The following TGS1 variants were observed in gnomAD, a reference collection of about 807,000 sequenced individuals.
TGS1 encodes trimethylguanosine synthase 1.
TGS1 carries 69 observed loss-of-function variants against 92.2 expected under a neutral mutation model. The ratio of observed to expected loss-of-function variants is 0.75; its 90% CI spans 0.62 to 0.91. The LOEUF (loss-of-function observed/expected upper bound fraction) is 0.91, where lower values mean the gene tolerates loss of function less well. Ranked by LOEUF, TGS1 falls within the 40% of genes least tolerant of loss-of-function variation. The probability of loss-of-function intolerance (pLI) is 0.00; values close to 1 mark genes in which losing one functional copy is unlikely to be tolerated. For missense variants in TGS1, 1,062 were observed against 1,001.2 expected (o/e 1.06, Z -0.82); for synonymous variants, 345 against 338.1 (o/e 1.02, Z -0.22).
chr8:55,798,363 A>G (rs1812120104), intron 7 of TGS1, among the ~76,000 whole-genome samples: 1 of 152,218 alleles, frequency 6.6e-6, no homozygotes, highest in South Asian at 2.1e-4. Flanking sequence ...GCTGGGACAT[A>G]TCTTACTGGC....
intron 8 of TGS1, among the ~76,000 whole-genome samples, chr8:55,801,558 A>T (rs1812213434): frequency 1.6e-5 from 2 of 128,770 alleles, no homozygotes; most frequent in African/African-American, 6.0e-5. Context: ...ATAGGCATGA[A>T]CCACTGCGCC....
chr8:55,809,035 C>T (rs151142365), intron 10 of TGS1, among the ~76,000 whole-genome samples: 9 of 152,168 alleles, frequency 5.9e-5, no homozygotes, highest in African/African-American at 1.9e-4. Context: ...TTTTGAGTTC[C>T]CTATCATAAT....
intron 7 of TGS1, 116 bp downstream of exon 7, chr8:55,796,268 A>ATTTTTTTTTTTTTTTTT (rs111385978): frequency 1.8e-6 from 1 of 571,054 alleles, no homozygotes; most frequent in African/African-American, 2.0e-5. Flanking sequence ...AAGGTACATA[A>ATTTTTTTTTTTTTTTTT]TTTTTTTTTT....
chr8:55,797,247 G>T (rs1812084184), intron 7 of TGS1, among the ~76,000 whole-genome samples: 2 of 152,124 alleles, frequency 1.3e-5, no homozygotes, highest in African/African-American at 4.8e-5. Flanking sequence ...AGAGAGAAAT[G>T]AGTGCCCAGC....
In TGS1 at chr8:55,824,767, C is replaced by T. The variant is rs1803747088; in HGVS notation, c.*64C>T. The T allele has an allele frequency of 6.3e-7, 1 of 1,577,962 alleles. No homozygotes were observed. Among genetic ancestry groups the T allele is most frequent in the Non-Finnish European group, 8.7e-7 (1 of 1,154,792 alleles). ...CAAAATATTCAGATGAGACATTTGG[C>T]ATGTCTTCCTTTATTCACTGATATT... On this transcript the variant is annotated 3_prime_UTR_variant, in exon 13 of 13. Coordinates refer to ENST00000260129, the MANE Select transcript of TGS1 (RefSeq NM_024831.8).
In TGS1 at chr8:55,773,499, T is replaced by G. The variant is rs1182761778; in HGVS notation, c.-120T>G. Reference sequence around the variant, plus strand: ...CCCGGCGCGAGCGGCCGCGGGCCAGTTTCTATCTCCTCATCCAGGGCTTGC... The same window carrying G: ...CCCGGCGCGAGCGGCCGCGGGCCAGGTTCTATCTCCTCATCCAGGGCTTGC... On this transcript the variant is annotated 5_prime_UTR_variant, in exon 1 of 13. Transcript: ENST00000260129. The G allele has an allele frequency of 2.9e-6, 2 of 696,926 alleles. No homozygotes were observed. Among genetic ancestry groups the G allele is most frequent in the Non-Finnish European group, 4.5e-6 (2 of 440,712 alleles). 43.2% of individuals were successfully genotyped at this position (696,926 alleles called of 1,614,324 possible).
In TGS1 at chr8:55,813,091, T is replaced by C. The variant is rs745921581; in HGVS notation, c.2412T>C (p.Phe804=). ...AGATCACTAATAATATTGTTTATTT[T>C]CTTCCAAGAAATGCTGATATTGACC... ...SKKITNNIVY[F]LPRNADIDQV... Residue 804 remains phenylalanine, a synonymous_variant, in exon 12 of 13, where the codon TTT becomes TTC. Transcript: ENST00000260129. The C allele has an allele frequency of 6.2e-7, 1 of 1,610,814 alleles. No individual in the cohort carries two copies. The highest frequency in any genetic ancestry group is 8.5e-7 in the Non-Finnish European group (1 of 1,177,852).
At chr8:55,819,487 G>A (rs528968031) in intron 12 of TGS1, among the ~76,000 whole-genome samples, 1,654 of 149,866 alleles carry the variant, frequency 0.011, 15 homozygotes, top group Middle Eastern at 0.017. Context: ...TAGTAGAGAC[G>A]GGGTTTCTCC....
intron 5 of TGS1, among the ~76,000 whole-genome samples, chr8:55,791,689 A>G (rs564409530): frequency 1.3e-5 from 2 of 152,148 alleles, no homozygotes; most frequent in Non-Finnish European, 2.9e-5. Flanking sequence ...TTCTTTGGAC[A>G]TTTCATGAGG....
intron 1 of TGS1, 134 bp downstream of exon 1, chr8:55,773,853 AAAAC>A (rs1811295824): frequency 3.0e-6 from 2 of 674,906 alleles, no homozygotes; most frequent in Non-Finnish European, 5.0e-6. Flanking sequence ...ATGTTTAAGA[AAAAC>A]AAAACCCTCA....
intron 6 of TGS1, 86 bp from the exon 7 acceptor site, chr8:55,795,892 G>T: frequency 9.7e-7 from 1 of 1,028,374 alleles, no homozygotes; most frequent in Non-Finnish European, 1.5e-6. Flanking sequence ...AAAAATGAGT[G>T]AAAATGTTAG....
chr8:55,773,560 G>C lies in TGS1; in HGVS notation c.-59G>C. On this transcript the variant is annotated 5_prime_UTR_variant, in exon 1 of 13. Coordinates refer to ENST00000260129, the MANE Select transcript of TGS1 (RefSeq NM_024831.8). ...TGTTTTAAGTCTCCAGTAACCGAGC[G>C]GAGGCCCGGCAGGCGCGACCCGGGC... 3 of 1,367,032 alleles carry C rather than the reference G, an allele frequency of 2.2e-6. No individual in the cohort carries two copies. The highest frequency in any genetic ancestry group is 3.1e-6 in the Non-Finnish European group (3 of 974,962). The allele number at this position is 1,367,032 out of a possible 1,614,324, so 84.7% of individuals were successfully genotyped here.
At chr8:55,799,843 G>A (rs1175682416) in intron 8 of TGS1, among the ~76,000 whole-genome samples, 1 of 152,102 alleles carries the variant, frequency 6.6e-6, no homozygotes, top group Non-Finnish European at 1.5e-5. Context: ...CAAAGTGCTG[G>A]GATTACAGAC....
At chr8:55,808,206 C>T (rs1803233184) in intron 10 of TGS1, among the ~76,000 whole-genome samples, 1 of 152,168 alleles carries the variant, frequency 6.6e-6, no homozygotes, top group African/African-American at 2.4e-5. Context: ...AGCCTAGAGA[C>T]AAGCTACTTT....
At position 55,798,988 on chromosome 8, in the gene TGS1, TG is replaced by T; in HGVS notation, c.1618del (p.Val540CysfsTer54). On this transcript the variant is annotated frameshift_variant, in exon 8 of 13. Coordinates refer to ENST00000260129, the MANE Select transcript of TGS1 (RefSeq NM_024831.8). LOFTEE classifies it high-confidence loss of function. ...CACAGGAATCATCTTCTCATGACAA[TG>T]TGCACGACGCTTCCACAAGTAGTGA... ...ASQESSSHDNVHDASTSSDSE... is the reference protein window; with the variant it reads ...ASQESSSHDNXHDASTSSDSE... 1 of 1,614,022 alleles carries T rather than the reference TG, an allele frequency of 6.2e-7. No individual in the cohort carries two copies. Among genetic ancestry groups the T allele is most frequent in the Non-Finnish European group, 8.5e-7 (1 of 1,179,978 alleles).
At chr8:55,808,604 G>A (rs1803249390) in intron 10 of TGS1, among the ~76,000 whole-genome samples, 1 of 151,112 alleles carries the variant, frequency 6.6e-6, no homozygotes, top group African/African-American at 2.4e-5. Flanking sequence ...CACCTCCTGG[G>A]TTCAAGTGAT....
intron 2 of TGS1, 148 bp from the exon 3 acceptor site, chr8:55,785,571 C>G: frequency 1.8e-6 from 1 of 545,256 alleles, no homozygotes; most frequent in South Asian, 3.2e-5. Flanking sequence ...TTGTGAGACC[C>G]CCATCTCTAA....
intron 9 of TGS1, among the ~76,000 whole-genome samples, chr8:55,803,235 A>G (rs16922263): frequency 0.062 from 9,372 of 152,294 alleles, 336 homozygotes; most frequent in African/African-American, 0.097. Flanking sequence ...ATTATTAAAC[A>G]GAAAACCTGA....
chr8:55,795,832 A>C, intron 6 of TGS1, 146 bp from the exon 7 acceptor site: 1 of 691,348 alleles, frequency 1.4e-6, no homozygotes, highest in Admixed American at 3.1e-5. Flanking sequence ...CTGCAAGTTG[A>C]ACTTGATTTT....
Sources: allele counts gnomAD v4.1 joint callset (sites outside exome capture counted in the v4.1 genomes callset), GRCh38; gene constraint gnomAD v4.1.1; transcripts MANE v1.5; gene names NCBI Gene and HGNC (gene_info 2026-07-23, HGNC 2026-07-21).